The following DLC1 variants were observed in gnomAD, a reference collection of about 807,000 sequenced individuals.
The protein encoded by DLC1 is rho GTPase-activating protein 7.
In DLC1, 54 loss-of-function variants were observed where a neutral mutation model predicts 140.3. The observed-to-expected ratio is 0.38, with a 90% CI of 0.31 to 0.48. DLC1 has a LOEUF of 0.48. Ranked by LOEUF, DLC1 falls within the 20% of genes least tolerant of loss-of-function variation. The probability of loss-of-function intolerance (pLI) is 0.96; values close to 1 mark genes in which losing one functional copy is unlikely to be tolerated. For synonymous variants in DLC1, 986 were observed against 728.1 expected, an observed-to-expected ratio of 1.35 and a Z score of -5.70; for missense variants, 2,536 against 1,907.0, an observed-to-expected ratio of 1.33 and a Z score of -6.14.
At chr8:13,297,764 T>C (rs1381371072) in intron 5 of DLC1, among the ~76,000 whole-genome samples, 2 of 152,222 alleles carry the variant, frequency 1.3e-5, no homozygotes, top group Admixed American at 6.5e-5. Context: ...TGGATTTGCA[T>C]ATCTTGGAGC....
At chr8:13,516,208 G>T (rs1175017616), upstream of DLC1, among the ~76,000 whole-genome samples, 1 of 152,084 alleles carries the variant, frequency 6.6e-6, no homozygotes, top group East Asian at 1.9e-4. Context: ...AGGTCTATCT[G>T]CTTCTTGCAA....
At chr8:13,090,596 C>T (rs73552366) in intron 14 of DLC1, 126 bp from the exon 15 acceptor site, 24 of 1,066,260 alleles carry the variant, frequency 2.3e-5, no homozygotes, top group South Asian at 3.2e-5. Flanking sequence ...ATCTTCCCGC[C>T]GGAGGTGGGC....
intron 2 of DLC1, among the ~76,000 whole-genome samples, chr8:13,433,159 T>C (rs775037271): frequency 3.3e-5 from 5 of 152,140 alleles, no homozygotes; most frequent in Non-Finnish European, 5.9e-5. Flanking sequence ...TCCTATTCCA[T>C]GAAGCCTAAG....
At chr8:13,383,468 A>C (rs1836366168) in intron 4 of DLC1, among the ~76,000 whole-genome samples, 1 of 152,172 alleles carries the variant, frequency 6.6e-6, no homozygotes, top group Admixed American at 6.5e-5. Flanking sequence ...ATTTAACAAA[A>C]TCTTGAACTT....
intron 1 of DLC1, among the ~76,000 whole-genome samples, chr8:13,541,663 C>G (rs541878234): frequency 1.1e-4 from 16 of 152,162 alleles, no homozygotes; most frequent in African/African-American, 3.6e-4. Flanking sequence ...CATTCTCCAG[C>G]CTCAGCCTCC....
chr8:13,385,228 G>A (rs1016293713), intron 4 of DLC1, among the ~76,000 whole-genome samples: 1 of 152,122 alleles, frequency 6.6e-6, no homozygotes, highest in South Asian at 2.1e-4. Flanking sequence ...CTGATACAAA[G>A]ATAGGACCTT....
chr8:13,133,268 G>C, intron 5 of DLC1: 1 of 1,334,028 alleles, frequency 7.5e-7, no homozygotes, highest in Non-Finnish European at 9.6e-7. Context: ...AAGCGCCCTC[G>C]CTCGGGCAGT....
intron 5 of DLC1, among the ~76,000 whole-genome samples, chr8:13,183,775 C>G (rs1378388668): frequency 6.6e-6 from 1 of 152,052 alleles, no homozygotes; most frequent in East Asian, 1.9e-4. Flanking sequence ...GTCTAAAATT[C>G]TCTTTTTTTG....
In DLC1 at chr8:13,175,505, G is replaced by A. The variant is rs549278768; in HGVS notation, c.1349-59848C>T. Reference sequence around the variant, plus strand: ...AAGTGCTCATTTTCAACTTTTAACCGTCTGTCTGTGCTCTCATTTCTGTCT... The same window carrying A: ...AAGTGCTCATTTTCAACTTTTAACCATCTGTCTGTGCTCTCATTTCTGTCT... On this transcript the variant is annotated intron_variant, in intron 5 of 17. Transcript: ENST00000276297. Among the ~76,000 whole-genome samples, 178 of 151,956 alleles carry A rather than the reference G, an allele frequency of 1.2e-3. 4 individuals are homozygous for A. Among genetic ancestry groups the A allele is most frequent in the South Asian group, 8.3e-4 (4 of 4,818 alleles).
intron 5 of DLC1, among the ~76,000 whole-genome samples, chr8:13,221,171 A>G (rs911962499): frequency 3.9e-5 from 6 of 152,000 alleles, no homozygotes; most frequent in African/African-American, 1.4e-4. Context: ...TACAAACAAA[A>G]CAAATGCTGG....
At chr8:13,130,226 T>C (rs1821963859) in intron 5 of DLC1, among the ~76,000 whole-genome samples, 1 of 152,224 alleles carries the variant, frequency 6.6e-6, no homozygotes, top group Admixed American at 6.5e-5. Flanking sequence ...TTGCTGTATT[T>C]GAAACCACCT....
At chr8:13,168,684 G>T (rs1825261593) in intron 5 of DLC1, among the ~76,000 whole-genome samples, 1 of 152,200 alleles carries the variant, frequency 6.6e-6, no homozygotes, top group South Asian at 2.1e-4. Flanking sequence ...CTTCCCCATG[G>T]AATAAGGAGA....
intron 5 of DLC1, among the ~76,000 whole-genome samples, chr8:13,152,985 T>C (rs1823945833): frequency 6.6e-6 from 1 of 152,206 alleles, no homozygotes; most frequent in Admixed American, 6.5e-5. Context: ...TATATTTTCT[T>C]CTTAGCATGT....
chr8:13,157,428 C>T (rs148703101), intron 5 of DLC1, among the ~76,000 whole-genome samples: 349 of 152,132 alleles, frequency 2.3e-3, no homozygotes, highest in African/African-American at 7.7e-3. Context: ...TAATGCATAG[C>T]TTCAGAGGGG....
chr8:13,385,213 C>G (rs1836463465), intron 4 of DLC1, among the ~76,000 whole-genome samples: 1 of 152,082 alleles, frequency 6.6e-6, no homozygotes, highest in South Asian at 2.1e-4. Flanking sequence ...TAAATTACTA[C>G]AGTCCTGATA....
chr8:13,561,783 A>G (rs1246872085), intron 1 of DLC1, among the ~76,000 whole-genome samples: 2 of 152,194 alleles, frequency 1.3e-5, no homozygotes, highest in African/African-American at 4.8e-5. Context: ...ATGTTTCATA[A>G]ATCCAAGACA....
intron 2 of DLC1, among the ~76,000 whole-genome samples, chr8:13,434,018 G>C (rs13279822): frequency 0.13 from 19,498 of 152,120 alleles, 1,649 homozygotes; most frequent in Non-Finnish European, 0.2. Context: ...ACCATGCCCG[G>C]CTAATTTTGT....
chr8:13,521,621 G>C (rs1162601360), intron 1 of DLC1, among the ~76,000 whole-genome samples: 1 of 152,122 alleles, frequency 6.6e-6, no homozygotes, highest in Non-Finnish European at 1.5e-5. Context: ...TCTGCCTTCT[G>C]AGATTCATTC....
chr8:13,496,818 TG>T (rs1554531822), intron 2 of DLC1, among the ~76,000 whole-genome samples: 168 of 14,920 alleles, frequency 0.011, 21 homozygotes, highest in African/African-American at 0.026. Context: ...TTTTTTTTTT[TG>T]AGATGGAGTT....
Sources: gnomAD v4.1 joint callset for allele counts (sites outside exome capture counted in the v4.1 genomes callset) on GRCh38, gnomAD v4.1.1 for gene constraint, MANE v1.5 for transcripts, NCBI Gene and HGNC (gene_info 2026-07-23, HGNC 2026-07-21) for gene names.